ATP1A1: variants seen among roughly 807,000 people sequenced by gnomAD.
ATP1A1 encodes ATPase Na+/K+ transporting subunit alpha 1.
A neutral mutation model predicts 114.8 loss-of-function variants in ATP1A1; 14 were observed. The observed-to-expected ratio is 0.12, with a 90% CI of 0.08 to 0.19. The LOEUF (loss-of-function observed/expected upper bound fraction) is 0.19. ATP1A1 is among the 10% of genes least tolerant of loss of function. The pLI, the probability that ATP1A1 is intolerant of heterozygous loss-of-function variation, is 1.00. For synonymous variants in ATP1A1, 471 were observed against 466.3 expected (o/e 1.01, Z -0.13); for missense variants, 524 against 1,290.7 (o/e 0.41, Z 9.10).
intron 1 of ATP1A1, among the ~76,000 whole-genome samples, chr1:116,374,609 AC>A (rs1413980430): frequency 2.0e-5 from 3 of 152,156 alleles, no homozygotes; most frequent in African/African-American, 4.8e-5. Flanking sequence ...CCTAGCTATT[AC>A]CCGTGCAGGA....
chr1:116,382,798 AATT>A (rs1651832434), intron 1 of ATP1A1, among the ~76,000 whole-genome samples: 1 of 152,240 alleles, frequency 6.6e-6, no homozygotes, highest in Admixed American at 6.5e-5. Flanking sequence ...ACGAGTTCCT[AATT>A]ATTGCTTTAG....
At chr1:116,390,535 T>G (rs878925900) in intron 9 of ATP1A1, 124 bp downstream of exon 9, 14 of 1,041,744 alleles carry the variant, frequency 1.3e-5, no homozygotes, top group Non-Finnish European at 1.7e-5. Context: ...CTTTCTTTTT[T>G]GTTTTTTTTT....
Position 116,388,272 on chromosome 1 carries a change from G to A in ATP1A1, c.501+28G>A, listed in dbSNP as rs924155423. 4 of 1,540,004 alleles carry A rather than the reference G, an allele frequency of 2.6e-6. No homozygotes were observed. On this transcript the variant is annotated intron_variant, in intron 5 of 22. Transcript: ENST00000295598. The surrounding 1 kb of genome is among the most constrained non-coding windows in gnomAD (Gnocchi z 5.6). Reference sequence around the variant, plus strand: ...ACCAGACGCTTTGTCCTTCCCCAGTGGATGACTTGACAGCCCCAAGCATGT... The same window carrying A: ...ACCAGACGCTTTGTCCTTCCCCAGTAGATGACTTGACAGCCCCAAGCATGT...
chr1:116,396,003 T>G (rs550514303), intron 13 of ATP1A1, among the ~76,000 whole-genome samples: 81 of 152,278 alleles, frequency 5.3e-4, no homozygotes, highest in African/African-American at 1.9e-3. Flanking sequence ...TCTGCCCACC[T>G]CAGCCTCCCA....
At position 116,404,586 on chromosome 1, in the gene ATP1A1, T is replaced by G; in HGVS notation, c.*142T>G. 1 of 1,373,646 alleles carries G rather than the reference T, an allele frequency of 7.3e-7. No homozygotes were observed. Among genetic ancestry groups the G allele is most frequent in the Non-Finnish European group, 9.4e-7 (1 of 1,064,800 alleles). The allele number at this position is 1,373,646 out of a possible 1,614,324, so 85.1% of individuals were successfully genotyped here. The stretch of plus-strand genomic sequence containing the variant: ...CAGCATGTGGGGAAGCAAGACGTCC[T>G]GGAATGAAGCATGTAGCTCTATGGG... On this transcript the variant is annotated 3_prime_UTR_variant, in exon 23 of 23. Transcript: ENST00000295598. This position sits in a 1 kb window ranked among gnomAD's most constrained non-coding sequence, Gnocchi z 4.8.
chr1:116,393,549 C>T lies in ATP1A1; in HGVS notation c.1486C>T (p.Pro496Ser), dbSNP rs751451407. The change falls in exon 12 of 23, where the codon CCC becomes TCC. Residue 496 changes from proline (P) to serine (S), a missense_variant. This residue lies in a region of ATP1A1 where 143 missense variants were observed against 259.3 expected (regional missense o/e 0.55). Coordinates refer to ENST00000295598, the MANE Select transcript of ATP1A1 (RefSeq NM_000701.8). The surrounding 1 kb of genome is among the most constrained non-coding windows in gnomAD (Gnocchi z 5.0). Reference sequence around the variant, plus strand: ...TTCACAGTTGTCTATTCATAAGAACCCCAACACATCGGAGCCCCAACACCT... The same window carrying T: ...TTCACAGTTGTCTATTCATAAGAACTCCAACACATCGGAGCCCCAACACCT... ...NKYQLSIHKNPNTSEPQHLLV... is the reference protein window; with the variant it reads ...NKYQLSIHKNSNTSEPQHLLV... 1 of 1,613,558 alleles carries T rather than the reference C, an allele frequency of 6.2e-7. No individual in the cohort carries two copies. The highest frequency in any genetic ancestry group is 1.3e-5 in the African/African-American group (1 of 74,910).
rs1483586374 is a variant in ATP1A1 at position 116,388,164 on chromosome 1, A to G, written c.421A>G (p.Ile141Val). ...YLGVVLSAVVIITGCFSYYQE... is the reference protein window; with the variant it reads ...YLGVVLSAVVVITGCFSYYQE... ...GGGTGTGGTGCTATCAGCCGTTGTA[A>G]TCATAACTGGTTGCTTCTCCTACTA... The change falls in exon 5 of 23, where the codon ATC (isoleucine) becomes GTC (valine). Residue 141 changes from isoleucine (I) to valine (V), a missense_variant. Ile to Val is a conservative substitution (Grantham distance 29). Around this residue, in one of 8 missense-constraint regions of ATP1A1, gnomAD observed 141 missense variants for 316.6 expected, o/e 0.45. Coordinates refer to ENST00000295598, the MANE Select transcript of ATP1A1 (RefSeq NM_000701.8). The surrounding 1 kb of genome is among the most constrained non-coding windows in gnomAD (Gnocchi z 5.6). 6.2e-7 allele frequency: 1 copy of G among 1,614,084 alleles called. No individual in the cohort carries two copies. The highest frequency in any genetic ancestry group is 8.5e-7 in the Non-Finnish European group (1 of 1,179,996).
rs755220071 is a variant in ATP1A1, at chr1:116,388,189, A to G, written c.446A>G (p.Tyr149Cys). 8 of 1,614,008 alleles carry G rather than the reference A, an allele frequency of 5.0e-6. No individual in the cohort carries two copies. Among genetic ancestry groups the G allele is most frequent in the East Asian group, 2.2e-5 (1 of 44,884 alleles). The change falls in exon 5 of 23, where the codon TAT (tyrosine) becomes TGT (cysteine). Residue 149 changes from tyrosine (Y) to cysteine (C), a missense_variant. Physicochemically the swap from Tyr to Cys is radical, Grantham distance 194. Transcript: ENST00000295598. This position sits in a 1 kb window ranked among gnomAD's most constrained non-coding sequence, Gnocchi z 5.6. ...VVIITGCFSY[Y>C]QEAKSSKIME... ...ATCATAACTGGTTGCTTCTCCTACTATCAAGAAGCTAAAAGTTCAAAGATC... is the reference window on the plus strand; with the variant it reads ...ATCATAACTGGTTGCTTCTCCTACTGTCAAGAAGCTAAAAGTTCAAAGATC...
rs1652282071 is a variant in ATP1A1 at position 116,389,137 on chromosome 1, A to G, written c.754+118A>G. 9.4e-7 allele frequency: 1 copy of G among 1,062,410 alleles called. No individual in the cohort carries two copies. Among genetic ancestry groups the G allele is most frequent in the Non-Finnish European group, 1.4e-6 (1 of 709,434 alleles). 65.8% of individuals were successfully genotyped at this position (1,062,410 alleles called of 1,614,324 possible). A position where few individuals can be genotyped will look rare whatever the true frequency, so the allele number is the denominator to read the frequency against. ...GCTCCATTTCTGAGAACTTGTGTCA[A>G]GCACAGAGCAGAGGTGTTTTCCTAG... On this transcript the variant is annotated intron_variant, in intron 7 of 22. Coordinates refer to ENST00000295598, the MANE Select transcript of ATP1A1 (RefSeq NM_000701.8). This position sits in a 1 kb window ranked among gnomAD's most constrained non-coding sequence, Gnocchi z 6.9.
Position 116,373,246 on chromosome 1 carries a change from A to T in ATP1A1, c.-266A>T. ...GAAGTGAGGAGGAGGCGCGGGCTGG[A>T]GCTGCGGCGGGGTCTGGGGCGCAGA... On this transcript the variant is annotated 5_prime_UTR_variant, in exon 1 of 23. Coordinates refer to ENST00000295598, the MANE Select transcript of ATP1A1 (RefSeq NM_000701.8). 2.8e-6 allele frequency: 1 copy of T among 359,622 alleles called. No homozygotes were observed. The highest frequency in any genetic ancestry group is 5.0e-6 in the Non-Finnish European group (1 of 201,614). 22.3% of individuals were successfully genotyped at this position (359,622 alleles called of 1,614,324 possible). A position where few individuals can be genotyped will look rare whatever the true frequency, so the allele number is the denominator to read the frequency against.
rs941474224 is a variant in ATP1A1, at chr1:116,393,285, A to G, written c.1468-246A>G. On this transcript the variant is annotated intron_variant, in intron 11 of 22. Transcript: ENST00000295598. This position sits in a 1 kb window ranked among gnomAD's most constrained non-coding sequence, Gnocchi z 5.0. ...AGTGTTCCCCAATCCCTGTGTTCTG[A>G]AATTTCGTATGTTCTTTTTTAATGT... Among the ~76,000 whole-genome samples the G allele has an allele frequency of 6.6e-6, 1 of 151,774 alleles. No individual in the cohort carries two copies. Among genetic ancestry groups the G allele is most frequent in the Non-Finnish European group, 1.5e-5 (1 of 67,992 alleles).
In ATP1A1 at chr1:116,384,003, T is replaced by TTC; in HGVS notation, c.13-8_13-7dup. 1 of 1,609,496 alleles carries TTC rather than the reference T, an allele frequency of 6.2e-7. No homozygotes were observed. Among genetic ancestry groups the TTC allele is most frequent in the African/African-American group, 1.3e-5 (1 of 74,846 alleles). On this transcript the variant is annotated splice_polypyrimidine_tract_variant and intron_variant, in intron 1 of 22. Transcript: ENST00000295598. The surrounding 1 kb of genome is among the most constrained non-coding windows in gnomAD (Gnocchi z 5.1). ...AATTCATGGCCTCACTTTTCCCACA[T>TTC]TCTCCTACAGGTTGGACGTGATAAG...
At chr1:116,396,881 T>C in intron 14 of ATP1A1, 147 bp downstream of exon 14, 1 of 1,051,248 alleles carries the variant, frequency 9.5e-7, no homozygotes, top group Non-Finnish European at 1.3e-6. Context: ...ACCTTGTCAT[T>C]CCTAAGAAGG....
At chr1:116,390,519 C>A in intron 9 of ATP1A1, 108 bp downstream of exon 9, 6 of 1,021,156 alleles carry the variant, frequency 5.9e-6, no homozygotes, top group East Asian at 2.7e-5. Context: ...CTCATGGCAG[C>A]TTTTTCTTTC....
Position 116,389,780 on chromosome 1 carries a change from C to T in ATP1A1, c.1023+73C>T. On this transcript the variant is annotated intron_variant, in intron 8 of 22. Coordinates refer to ENST00000295598, the MANE Select transcript of ATP1A1 (RefSeq NM_000701.8). The surrounding 1 kb of genome is among the most constrained non-coding windows in gnomAD (Gnocchi z 6.9). The stretch of plus-strand genomic sequence containing the variant: ...TGTTACACTCTTCCGCTATCCTATT[C>T]TAAGGTATTGCCAACTTATGTTTTA... 1 of 1,574,016 alleles carries T rather than the reference C, an allele frequency of 6.4e-7. No individual in the cohort carries two copies. Among genetic ancestry groups the T allele is most frequent in the Non-Finnish European group, 8.7e-7 (1 of 1,154,784 alleles).
At position 116,373,473 on chromosome 1, in the gene ATP1A1, A is replaced by C; in HGVS notation, c.-39A>C. On this transcript the variant is annotated 5_prime_UTR_variant, in exon 1 of 23. Transcript: ENST00000295598. The stretch of plus-strand genomic sequence containing the variant: ...TCTGTGCTTTTCTCTCTGATTCTCC[A>C]GCGACAGGACCCGGCGCCGGGCACT... The C allele has an allele frequency of 6.7e-7, 1 of 1,488,814 alleles. No individual in the cohort carries two copies. Among genetic ancestry groups the C allele is most frequent in the Non-Finnish European group, 9.0e-7 (1 of 1,116,730 alleles). The allele number at this position is 1,488,814 out of a possible 1,614,324, so 92.2% of individuals were successfully genotyped here.
intron 1 of ATP1A1, chr1:116,374,136 G>A: frequency 1.3e-6 from 2 of 1,546,568 alleles, no homozygotes; most frequent in Non-Finnish European, 1.7e-6. Flanking sequence ...CGCAGAGGCG[G>A]CCGCCCTCCC....
At chr1:116,373,787 C>A (rs1651155403) in intron 1 of ATP1A1, 3 of 1,179,594 alleles carry the variant, frequency 2.5e-6, no homozygotes, top group Non-Finnish European at 3.1e-6. Context: ...GCGGGGGCTG[C>A]GCGCCCCGGA....
Position 116,397,588 on chromosome 1 carries a change from T to C in ATP1A1, c.1974-300T>C, listed in dbSNP as rs1191689279. The stretch of plus-strand genomic sequence containing the variant: ...TCCCAAAGTGCTGGGATTACAGGCA[T>C]GAGCCACACACCCAGCTAAAACTTG... On this transcript the variant is annotated intron_variant, in intron 14 of 22. Transcript: ENST00000295598. This position sits in a 1 kb window ranked among gnomAD's most constrained non-coding sequence, Gnocchi z 4.2. Among the ~76,000 whole-genome samples the C allele has an allele frequency of 6.6e-6, 1 of 152,162 alleles. No homozygotes were observed. The highest frequency in any genetic ancestry group is 1.9e-4 in the East Asian group (1 of 5,198).
Sources: allele counts gnomAD v4.1 joint callset (sites outside exome capture counted in the v4.1 genomes callset), GRCh38; gene constraint gnomAD v4.1.1; regional missense constraint gnomAD v4.1.1; non-coding constraint Gnocchi (gnomAD v3.1); transcripts MANE v1.5; gene names NCBI Gene and HGNC (gene_info 2026-07-23, HGNC 2026-07-21).